The following CHODL variants were observed in gnomAD, a reference collection of about 807,000 sequenced individuals.
CHODL encodes the protein transmembrane protein MT75.
In CHODL, 29 loss-of-function variants were observed where a neutral mutation model predicts 34.5. The observed-to-expected ratio is 0.84, with a 90% CI of 0.63 to 1.15. The LOEUF (loss-of-function observed/expected upper bound fraction) is 1.15, where lower values mean the gene tolerates loss of function less well. CHODL is among the 50% of genes most tolerant of loss of function. The pLI, the probability that CHODL is intolerant of heterozygous loss-of-function variation, is 0.00. For missense variants in CHODL, 332 were observed against 332.5 expected, an observed-to-expected ratio of 1.00 and a Z score of 0.01; for synonymous variants, 125 against 116.1, an observed-to-expected ratio of 1.08 and a Z score of -0.49.
chr21:18,051,661 G>A (rs1219664009), intron 2 of CHODL, among the ~76,000 whole-genome samples: 5 of 151,816 alleles, frequency 3.3e-5, no homozygotes, highest in African/African-American at 9.7e-5. Context: ...TTGTAAATTT[G>A]GCAGGAATTT....
chr21:18,072,413 T>C (rs2064816633), intron 2 of CHODL, among the ~76,000 whole-genome samples: 1 of 152,110 alleles, frequency 6.6e-6, no homozygotes, highest in African/African-American at 2.4e-5. Flanking sequence ...TGAAGCCCTC[T>C]CCCATCCCTC....
intron 2 of CHODL, among the ~76,000 whole-genome samples, chr21:18,050,032 A>G (rs142822290): frequency 5.9e-5 from 9 of 152,110 alleles, no homozygotes; most frequent in African/African-American, 2.2e-4. Flanking sequence ...GTTAAGAGTT[A>G]TGCAGACAAA....
chr21:18,047,491 G>A (rs547581946), intron 2 of CHODL, among the ~76,000 whole-genome samples: 195 of 151,942 alleles, frequency 1.3e-3, no homozygotes, highest in Non-Finnish European at 2.3e-3. Context: ...GCTTGTAACT[G>A]TATATGCTAA....
intron 2 of CHODL, among the ~76,000 whole-genome samples, chr21:18,121,772 T>A (rs1415064686): frequency 2.0e-5 from 3 of 152,186 alleles, no homozygotes; most frequent in African/African-American, 4.8e-5. Context: ...CTCTAACCAC[T>A]GCTAATCACA....
At chr21:18,074,968 G>A (rs905168475) in intron 2 of CHODL, among the ~76,000 whole-genome samples, 1 of 152,124 alleles carries the variant, frequency 6.6e-6, no homozygotes, top group Admixed American at 6.5e-5. Context: ...TAAAGAGATA[G>A]TTACTAATGG....
intron 2 of CHODL, among the ~76,000 whole-genome samples, chr21:18,063,010 G>C (rs151238962): frequency 1.3e-5 from 2 of 152,108 alleles, no homozygotes; most frequent in South Asian, 2.1e-4. Flanking sequence ...TCAAAGAAAC[G>C]TGAGAAAAAA....
intron 1 of CHODL, among the ~76,000 whole-genome samples, chr21:18,250,325 A>G (rs2074219677): frequency 6.6e-6 from 1 of 152,046 alleles, no homozygotes; most frequent in African/African-American, 2.4e-5. Flanking sequence ...GATTTTTTAA[A>G]AAAATAGTCT....
intron 2 of CHODL, among the ~76,000 whole-genome samples, chr21:18,154,146 A>T (rs1435702640): frequency 6.6e-6 from 1 of 152,214 alleles, no homozygotes; most frequent in Non-Finnish European, 1.5e-5. Flanking sequence ...ACATAATTTT[A>T]TTCGGTATAG....
intron 1 of CHODL, among the ~76,000 whole-genome samples, chr21:17,965,023 T>G (rs1486097139): frequency 6.6e-6 from 1 of 152,246 alleles, no homozygotes; most frequent in Non-Finnish European, 1.5e-5. Flanking sequence ...CTTGTCATAC[T>G]TCAGAAAAGA....
intron 1 of CHODL, among the ~76,000 whole-genome samples, chr21:17,945,474 T>C (rs925629630): frequency 6.6e-6 from 1 of 151,924 alleles, no homozygotes; most frequent in Admixed American, 6.6e-5. Context: ...AAATATTCAA[T>C]AGAAAGTTTA....
At chr21:18,021,073 T>C (rs1348075003) in intron 1 of CHODL, among the ~76,000 whole-genome samples, 1 of 152,226 alleles carries the variant, frequency 6.6e-6, no homozygotes, top group Non-Finnish European at 1.5e-5. Flanking sequence ...CCTAGTTGAA[T>C]ATTAAGTGAT....
intron 1 of CHODL, among the ~76,000 whole-genome samples, chr21:17,970,162 T>C (rs936471245): frequency 2.0e-5 from 3 of 152,010 alleles, no homozygotes; most frequent in African/African-American, 7.3e-5. Flanking sequence ...TTTTCTTTGG[T>C]GGACTTCCTG....
chr21:18,205,248 T>C (rs2073698991), intron 2 of CHODL, among the ~76,000 whole-genome samples: 1 of 152,226 alleles, frequency 6.6e-6, no homozygotes, highest in Admixed American at 6.5e-5. Context: ...TGTATTATGA[T>C]GAGGTATGTT....
intron 1 of CHODL, among the ~76,000 whole-genome samples, chr21:17,977,053 G>GAGGC (rs894804391): frequency 4.6e-5 from 7 of 152,138 alleles, no homozygotes; most frequent in Non-Finnish European, 8.8e-5. Context: ...CACTTTAAAG[G>GAGGC]AGGCCATGGC....
At chr21:18,136,470 G>C (rs1196920997) in intron 2 of CHODL, among the ~76,000 whole-genome samples, 1 of 151,994 alleles carries the variant, frequency 6.6e-6, no homozygotes, top group Non-Finnish European at 1.5e-5. Flanking sequence ...CCAGGAATGG[G>C]GATCATCATC....
chr21:18,251,731 A>T (rs866099997), intron 1 of CHODL, among the ~76,000 whole-genome samples: 1,621 of 97,054 alleles, frequency 0.017, 59 homozygotes, highest in African/African-American at 0.07. Context: ...ATAAATATTT[A>T]TTTTATTTAT....
At chr21:18,157,361 CATTTTT>C (rs2146637241) in intron 2 of CHODL, among the ~76,000 whole-genome samples, 1 of 152,270 alleles carries the variant, frequency 6.6e-6, no homozygotes, top group East Asian at 1.9e-4. Flanking sequence ...TACAGAAAAA[CATTTTT>C]ATTTGTGGTC....
chr21:17,987,215 A>G (rs1266200888), intron 1 of CHODL, among the ~76,000 whole-genome samples: 1 of 152,142 alleles, frequency 6.6e-6, no homozygotes, highest in Non-Finnish European at 1.5e-5. Flanking sequence ...AGGCAGGGTT[A>G]TTATTCCTAA....
intron 2 of CHODL, among the ~76,000 whole-genome samples, chr21:18,193,923 C>T (rs143724770): frequency 7.9e-4 from 120 of 152,008 alleles, no homozygotes; most frequent in African/African-American, 2.8e-3. Context: ...TAAATGACAC[C>T]ATTATCCATC....
Sources: gnomAD v4.1 joint callset for allele counts (sites outside exome capture counted in the v4.1 genomes callset) on GRCh38, gnomAD v4.1.1 for gene constraint, MANE v1.5 for transcripts, NCBI Gene and HGNC (gene_info 2026-07-23, HGNC 2026-07-21) for gene names.